CDC14A: variants seen among roughly 807,000 people sequenced by gnomAD.
CDC14A encodes the protein cell division cycle 14A.
In CDC14A, 53 loss-of-function variants were observed where a neutral mutation model predicts 74.4. That is an observed-to-expected ratio of 0.71 (90% CI 0.57 to 0.89). CDC14A has a LOEUF of 0.89. Ranked by LOEUF, CDC14A falls within the 40% of genes least tolerant of loss-of-function variation. The pLI is 0.00. For synonymous variants in CDC14A, 247 were observed against 258.4 expected (o/e 0.96, Z 0.43); for missense variants, 646 against 713.7 (o/e 0.91, Z 1.08).
chr1:100,422,913 G>A (rs918326585), intron 4 of CDC14A, among the ~76,000 whole-genome samples: 2 of 152,124 alleles, frequency 1.3e-5, no homozygotes, highest in East Asian at 3.8e-4. Context: ...AGGTCTGTAA[G>A]TAGAGGAAAA....
intron 6 of CDC14A, among the ~76,000 whole-genome samples, chr1:100,440,787 TTTGAG>T (rs1248232524): frequency 6.6e-6 from 1 of 152,214 alleles, no homozygotes; most frequent in African/African-American, 2.4e-5. Flanking sequence ...TTTGCTGTGT[TTTGAG>T]TTGAGAAAAT....
chr1:100,357,094 G>A (rs537972833), intron 2 of CDC14A, among the ~76,000 whole-genome samples: 1 of 152,138 alleles, frequency 6.6e-6, no homozygotes, highest in East Asian at 1.9e-4. Context: ...GGAATAATTG[G>A]CTTTGGTGGG....
chr1:100,456,176 A>G (rs1666662577), intron 8 of CDC14A, among the ~76,000 whole-genome samples: 1 of 152,252 alleles, frequency 6.6e-6, no homozygotes, highest in African/African-American at 2.4e-5. Context: ...TGGTTAAACT[A>G]CTTATTTGCA....
At chr1:100,426,074 T>A (rs1171257764) in intron 5 of CDC14A, among the ~76,000 whole-genome samples, 1 of 152,208 alleles carries the variant, frequency 6.6e-6, no homozygotes, top group Non-Finnish European at 1.5e-5. Context: ...TTGGTTTTTG[T>A]TTTTCTTGTT....
chr1:100,492,330 CTTTCT>C (rs2101406884), intron 11 of CDC14A, among the ~76,000 whole-genome samples: 1 of 152,152 alleles, frequency 6.6e-6, no homozygotes, highest in East Asian at 1.9e-4. Flanking sequence ...CCTTTCTCAC[CTTTCT>C]GTATCTCTGG....
intron 15 of CDC14A, among the ~76,000 whole-genome samples, chr1:100,502,216 G>T (rs1012608972): frequency 6.6e-6 from 1 of 152,134 alleles, no homozygotes; most frequent in African/African-American, 2.4e-5. Context: ...AGGCCTTCAT[G>T]TTCACTCACC....
chr1:100,394,942 T>C (rs1456008047), intron 4 of CDC14A, among the ~76,000 whole-genome samples: 2 of 152,264 alleles, frequency 1.3e-5, no homozygotes, highest in African/African-American at 4.8e-5. Flanking sequence ...TGTTGCTAGT[T>C]GGATAAGTGT....
At chr1:100,404,829 C>CA (rs1357690155) in intron 4 of CDC14A, among the ~76,000 whole-genome samples, 3 of 148,582 alleles carry the variant, frequency 2.0e-5, no homozygotes, top group Non-Finnish European at 3.0e-5. Flanking sequence ...GACTCCGTCT[C>CA]AAAAAAACAA....
At chr1:100,438,372 C>T (rs1206329513) in intron 5 of CDC14A, among the ~76,000 whole-genome samples, 1 of 152,116 alleles carries the variant, frequency 6.6e-6, no homozygotes, top group East Asian at 1.9e-4. Flanking sequence ...TTCCTCAGGT[C>T]ACTGAGAGTC....
At position 100,449,639 on chromosome 1, in the gene CDC14A, C is replaced by CT. The variant is rs563211476; in HGVS notation, c.520-5766_520-5765insT. Reference sequence around the variant, plus strand: ...CCCCATGGAAGCTCTTCTCATGTAGCCTTGTGTGGTACTCTGTTTACACAT... The same window carrying CT: ...CCCCATGGAAGCTCTTCTCATGTAGCTCTTGTGTGGTACTCTGTTTACACAT... On this transcript the variant is annotated intron_variant, in intron 7 of 15. Transcript: ENST00000336454. Among the ~76,000 whole-genome samples, 483 of 152,294 alleles carry CT rather than the reference C, an allele frequency of 3.2e-3. 6 individuals carry two copies. Among genetic ancestry groups the CT allele is most frequent in the African/African-American group, 0.011 (472 of 41,542 alleles).
chr1:100,381,490 C>T (rs934465607), intron 3 of CDC14A, among the ~76,000 whole-genome samples: 15 of 152,062 alleles, frequency 9.9e-5, no homozygotes, highest in Non-Finnish European at 2.1e-4. Flanking sequence ...TTTATTCCTT[C>T]CAAGAAAGCT....
chr1:100,511,396 C>T (rs758617593), intron 15 of CDC14A, among the ~76,000 whole-genome samples: 51 of 152,178 alleles, frequency 3.4e-4, no homozygotes, highest in Admixed American at 2.5e-3. Context: ...CAGATTACTG[C>T]CGACTTCTTC....
At chr1:100,419,530 T>C (rs1339946442) in intron 4 of CDC14A, among the ~76,000 whole-genome samples, 1 of 152,276 alleles carries the variant, frequency 6.6e-6, no homozygotes, top group Non-Finnish European at 1.5e-5. Flanking sequence ...ACTCAGCATT[T>C]CTGCTGATTA....
At chr1:100,484,144 T>C (rs1352827937) in intron 10 of CDC14A, 148 bp from the exon 11 acceptor site, 3 of 472,552 alleles carry the variant, frequency 6.3e-6, no homozygotes, top group Non-Finnish European at 1.1e-5. Context: ...TTCTTTATTC[T>C]AAGATATCAT....
intron 2 of CDC14A, among the ~76,000 whole-genome samples, chr1:100,367,985 A>T (rs935418387): frequency 6.6e-6 from 1 of 152,190 alleles, no homozygotes; most frequent in Non-Finnish European, 1.5e-5. Context: ...TTATGTTCCA[A>T]GTCCCAACTG....
intron 4 of CDC14A, chr1:100,393,339 T>C (rs1395318423): frequency 4.0e-6 from 4 of 993,742 alleles, no homozygotes; most frequent in African/African-American, 3.2e-5. Flanking sequence ...TAGTTTCAGA[T>C]TCTCAGTTGT....
At chr1:100,501,550 A>G (rs1648731907) in intron 15 of CDC14A, among the ~76,000 whole-genome samples, 1 of 152,216 alleles carries the variant, frequency 6.6e-6, no homozygotes, top group South Asian at 2.1e-4. Context: ...AAATCTAGCA[A>G]TACAATTATG....
rs773440105 is a variant in CDC14A at position 100,462,710 on chromosome 1, G to A, written c.667G>A (p.Ala223Thr). The A allele has an allele frequency of 6.2e-6, 10 of 1,614,016 alleles. No individual in the cohort carries two copies. Among genetic ancestry groups the A allele is most frequent in the African/African-American group, 2.7e-5 (2 of 74,912 alleles). ...TTATTTCAAAAAGCATAATGTGACT[G>A]CAGTTGTGAGGCTAAACAAAAAGAT... ...FPYFKKHNVT[A>T]VVRLNKKIYE... Residue 223 changes from alanine (A) to threonine (T), a missense_variant, in exon 9 of 16, where the codon GCA (alanine) becomes ACA (threonine). Coordinates refer to ENST00000336454, the MANE Select transcript of CDC14A (RefSeq NM_003672.4).
At chr1:100,415,384 A>C (rs1035426575) in intron 4 of CDC14A, among the ~76,000 whole-genome samples, 5 of 152,172 alleles carry the variant, frequency 3.3e-5, no homozygotes, top group Non-Finnish European at 5.9e-5. Flanking sequence ...CAAAAAACAT[A>C]CTCATTTCTA....
Sources: gnomAD v4.1 joint callset for allele counts (sites outside exome capture counted in the v4.1 genomes callset) on GRCh38, gnomAD v4.1.1 for gene constraint, MANE v1.5 for transcripts, NCBI Gene and HGNC (gene_info 2026-07-23, HGNC 2026-07-21) for gene names.